XRCC6: variants seen among roughly 807,000 people sequenced by gnomAD.
XRCC6 encodes X-ray repair cross complementing 6.
XRCC6 carries 5 observed loss-of-function variants against 65.7 expected under a neutral mutation model. The observed-to-expected ratio is 0.08, with a 90% CI of 0.04 to 0.16. The LOEUF (loss-of-function observed/expected upper bound fraction) is 0.16. Among genes scored for constraint, XRCC6 ranks in the 10% least tolerant of loss-of-function variants. The pLI is 1.00. For missense variants in XRCC6, 447 were observed against 738.1 expected (o/e 0.61, Z 4.57); for synonymous variants, 270 against 270.6 (o/e 1.00, Z 0.02).
Position 41,651,518 on chromosome 22 carries a change from TA to T in XRCC6, c.1129+628del, listed in dbSNP as rs1232112382. Among the ~76,000 whole-genome samples, 42 of 147,108 alleles carry T rather than the reference TA, an allele frequency of 2.9e-4. No homozygotes were observed. In the Middle Eastern group the frequency reaches 0.01, roughly 36 times the overall value. ...ACTGTGGAATTTAGCTTTATATATA[TA>T]TATTTTTTTAATTTAATTTTTTTTT... On this transcript the variant is annotated intron_variant, in intron 8 of 12. Transcript: ENST00000360079.
intron 6 of XRCC6, among the ~76,000 whole-genome samples, chr22:41,640,173 G>T (rs1237813779): frequency 6.6e-6 from 1 of 151,434 alleles, no homozygotes. Context: ...TTTTGAGACA[G>T]AGTCTTGCTC....
At chr22:41,642,613 T>C (rs756169595) in intron 6 of XRCC6, among the ~76,000 whole-genome samples, 4 of 152,194 alleles carry the variant, frequency 2.6e-5, no homozygotes, top group Non-Finnish European at 5.9e-5. Context: ...GTGAAGAATG[T>C]CATTGGTATT....
rs536902044 is a variant in XRCC6, at chr22:41,625,912, C to A, written c.83-2206C>A. Among the ~76,000 whole-genome samples, 3 of 151,860 alleles carry A rather than the reference C, an allele frequency of 2.0e-5. No individual in the cohort carries two copies. In the South Asian group the frequency reaches 6.2e-4, roughly 32 times the overall value. On this transcript the variant is annotated intron_variant, in intron 2 of 12. Transcript: ENST00000360079. ...TGGAGTGCAGTGACTAATCTCGGCT[C>A]GCTGCAATCTCTGCCTCCCAAGTTC...
At chr22:41,623,099 T>A (rs1000044573) in intron 2 of XRCC6, among the ~76,000 whole-genome samples, 45 of 152,228 alleles carry the variant, frequency 3.0e-4, no homozygotes, top group African/African-American at 1.1e-3. Flanking sequence ...ATATATATAT[T>A]TTTTAATTTT....
intron 9 of XRCC6, among the ~76,000 whole-genome samples, chr22:41,654,586 C>A (rs968287328): frequency 2.0e-5 from 3 of 152,214 alleles, no homozygotes; most frequent in African/African-American, 7.2e-5. Flanking sequence ...CAGTTAGTTA[C>A]AGGGCGTAGA....
Position 41,636,706 on chromosome 22 carries a change from C to G in XRCC6, c.525C>G (p.Pro175=), listed in dbSNP as rs756254155. ...TGCTGTTCACCAATGAAGACAACCCCCATGGCAATGACAGTGCCAAAGCCA... is the reference window on the plus strand; with the variant it reads ...TGCTGTTCACCAATGAAGACAACCCGCATGGCAATGACAGTGCCAAAGCCA... ...RIMLFTNEDN[P]HGNDSAKASR... Residue 175 remains proline (P), a synonymous_variant, in exon 5 of 13, where the codon CCC becomes CCG. Coordinates refer to ENST00000360079, the MANE Select transcript of XRCC6 (RefSeq NM_001469.5). 6.2e-7 allele frequency: 1 copy of G among 1,614,148 alleles called. No homozygotes were observed. Among genetic ancestry groups the G allele is most frequent in the Non-Finnish European group, 8.5e-7 (1 of 1,180,034 alleles).
At chr22:41,623,830 C>T (rs895147594) in intron 2 of XRCC6, among the ~76,000 whole-genome samples, 1 of 152,198 alleles carries the variant, frequency 6.6e-6, no homozygotes, top group African/African-American at 2.4e-5. Flanking sequence ...AGGCTATTCT[C>T]CCATCTCAGC....
At chr22:41,643,228 G>A (rs1280325915) in intron 6 of XRCC6, among the ~76,000 whole-genome samples, 2 of 151,916 alleles carry the variant, frequency 1.3e-5, no homozygotes, top group Admixed American at 1.3e-4. Context: ...CACCAACATG[G>A]TGAAACCCCG....
intron 6 of XRCC6, among the ~76,000 whole-genome samples, chr22:41,644,566 A>G (rs1052809032): frequency 6.6e-6 from 1 of 151,962 alleles, no homozygotes; most frequent in African/African-American, 2.4e-5. Flanking sequence ...CCTCACTGCA[A>G]CCTCTGCCTC....
At position 41,628,185 on chromosome 22, in the gene XRCC6, A is replaced by G. The variant is rs538300003; in HGVS notation, c.150A>G (p.Glu50=). ...TTGATGCCTCCAAGGCTATGTTTGA[A>G]TCTCAGAGTGAAGATGAGTTGACAC... ...FLVDASKAMF[E]SQSEDELTPF... is the part of the protein sequence containing the mutation. The change falls in exon 3 of 13, where the codon GAA becomes GAG. Residue 50 remains glutamate (E), a synonymous_variant. Transcript: ENST00000360079. The G allele has an allele frequency of 1.2e-5, 20 of 1,613,864 alleles. No individual in the cohort carries two copies. Among genetic ancestry groups the G allele is most frequent in the Middle Eastern group, 1.6e-4 (1 of 6,078 alleles).
At chr22:41,663,258 C>A (rs1242981396) in intron 12 of XRCC6, among the ~76,000 whole-genome samples, 1 of 152,106 alleles carries the variant, frequency 6.6e-6, no homozygotes, top group East Asian at 1.9e-4. Flanking sequence ...GTGCACACCA[C>A]CATGGCCGGT....
At chr22:41,647,388 C>A (rs892728077) in intron 7 of XRCC6, among the ~76,000 whole-genome samples, 7 of 152,038 alleles carry the variant, frequency 4.6e-5, no homozygotes, top group African/African-American at 1.7e-4. Context: ...TCAAGACCAG[C>A]CTGACCAACA....
At chr22:41,646,835 G>A (rs1198399675) in intron 6 of XRCC6, 61 bp from the exon 7 acceptor site, 1 of 1,401,830 alleles carries the variant, frequency 7.1e-7, no homozygotes, top group Non-Finnish European at 9.7e-7. Flanking sequence ...TGTTATGAGG[G>A]AATTTTAGAT....
chr22:41,642,567 T>G lies in XRCC6; in HGVS notation c.774-4329T>G, dbSNP rs2147093757. The stretch of plus-strand genomic sequence containing the variant: ...AGAATTTCCCGGTATGATTTTGTGG[T>G]TCCACATACATTTTAGGATTGTTTT... On this transcript the variant is annotated intron_variant, in intron 6 of 12. Coordinates refer to ENST00000360079, the MANE Select transcript of XRCC6 (RefSeq NM_001469.5). Among the ~76,000 whole-genome samples, 3 of 152,328 alleles carry G rather than the reference T, an allele frequency of 2.0e-5. 1 individual carries two copies. The South Asian group carries it at 6.2e-4, about 32-fold the overall frequency.
At chr22:41,655,722 C>A (rs797020085) in intron 9 of XRCC6, among the ~76,000 whole-genome samples, 2 of 127,838 alleles carry the variant, frequency 1.6e-5, no homozygotes, top group South Asian at 5.1e-4. Flanking sequence ...ATAGTTTTTT[C>A]CCCCCCTTCT....
intron 8 of XRCC6, among the ~76,000 whole-genome samples, chr22:41,652,020 G>C (rs1392769650): frequency 6.6e-6 from 1 of 152,130 alleles, no homozygotes; most frequent in Non-Finnish European, 1.5e-5. Flanking sequence ...CTGACCTTAG[G>C]TGATTCACCC....
At chr22:41,636,827 T>A in intron 5 of XRCC6, 57 bp downstream of exon 5, 1 of 1,563,930 alleles carries the variant, frequency 6.4e-7, no homozygotes, top group Non-Finnish European at 8.6e-7. Context: ...TTTTTATTTT[T>A]TATTTTTTTA....
At chr22:41,660,206 A>G (rs997915904) in intron 11 of XRCC6, among the ~76,000 whole-genome samples, 14 of 152,216 alleles carry the variant, frequency 9.2e-5, no homozygotes, top group Non-Finnish European at 2.9e-5. Flanking sequence ...GATGTGACAC[A>G]GCTCATGTCA....
Position 41,663,030 on chromosome 22 carries a change from G to A in XRCC6, c.1637-592G>A, listed in dbSNP as rs562161568. Among the ~76,000 whole-genome samples the A allele has an allele frequency of 7.9e-5, 12 of 152,032 alleles. No individual in the cohort carries two copies. The South Asian group carries it at 1.9e-3, about 24-fold the overall frequency. On this transcript the variant is annotated intron_variant, in intron 12 of 12. Transcript: ENST00000360079. ...CGGGAGGCAGAGGTTGCAGTGAGCC[G>A]AGACCACACCATTGCACTCCAGCCT...
Sources: gnomAD v4.1 joint callset for allele counts (sites outside exome capture counted in the v4.1 genomes callset) on GRCh38, gnomAD v4.1.1 for gene constraint, MANE v1.5 for transcripts, NCBI Gene and HGNC (gene_info 2026-07-23, HGNC 2026-07-21) for gene names.